Variants in INPP4B observed in about 807,000 individuals in gnomAD.
INPP4B encodes the protein inositol polyphosphate 4-phosphatase type II.
Under a neutral mutation model 122.5 loss-of-function variants are expected in INPP4B, and 55 were observed. The ratio of observed to expected loss-of-function variants is 0.45; its 90% CI spans 0.36 to 0.56. The LOEUF is 0.56. Ranked by LOEUF, INPP4B falls within the 20% of genes least tolerant of loss-of-function variation. The pLI is 0.00. For missense variants in INPP4B, 1,000 were observed against 1,097.7 expected, an observed-to-expected ratio of 0.91 and a Z score of 1.26; for synonymous variants, 403 against 388.7, an observed-to-expected ratio of 1.04 and a Z score of -0.43.
chr4:142,796,144 A>G (rs1777207875), intron 1 of INPP4B, among the ~76,000 whole-genome samples: 1 of 151,990 alleles, frequency 6.6e-6, no homozygotes, highest in Admixed American at 6.6e-5. Context: ...ATCTTCTCAT[A>G]GGTGACAAGG....
intron 2 of INPP4B, among the ~76,000 whole-genome samples, chr4:142,550,171 G>T (rs1177342113): frequency 6.6e-6 from 1 of 152,118 alleles, no homozygotes; most frequent in East Asian, 1.9e-4. Flanking sequence ...TCCAAGTGGT[G>T]GTCATAGGTC....
At chr4:142,373,270 T>C (rs1302031803) in intron 7 of INPP4B, among the ~76,000 whole-genome samples, 2 of 152,038 alleles carry the variant, frequency 1.3e-5, no homozygotes, top group African/African-American at 4.8e-5. Context: ...TAACAACATT[T>C]GACCTTTTAA....
At chr4:142,182,545 T>TAA (rs1831328126) in intron 15 of INPP4B, among the ~76,000 whole-genome samples, 2 of 7,414 alleles carry the variant, frequency 2.7e-4, no homozygotes, top group East Asian at 3.4e-3. Context: ...AGACTCTGTC[T>TAA]CAAAAAAAAA....
intron 2 of INPP4B, among the ~76,000 whole-genome samples, chr4:142,543,139 T>A (rs1483251639): frequency 2.6e-5 from 4 of 152,212 alleles, no homozygotes; most frequent in African/African-American, 7.2e-5. Flanking sequence ...TGTTTACACA[T>A]ACAAATTAAA....
intron 15 of INPP4B, among the ~76,000 whole-genome samples, chr4:142,176,116 C>A (rs966814260): frequency 5.9e-5 from 3 of 50,776 alleles, no homozygotes; most frequent in South Asian, 9.1e-4. Context: ...TGACTGCTTT[C>A]TTTTATTATT....
intron 7 of INPP4B, among the ~76,000 whole-genome samples, chr4:142,334,500 T>C (rs1232057107): frequency 2.0e-5 from 3 of 152,186 alleles, no homozygotes; most frequent in Non-Finnish European, 4.4e-5. Flanking sequence ...ATATGGTAGT[T>C]CTATTTTTAA....
intron 11 of INPP4B, among the ~76,000 whole-genome samples, chr4:142,245,491 T>C (rs1012790824): frequency 3.9e-5 from 6 of 152,310 alleles, no homozygotes; most frequent in Non-Finnish European, 8.8e-5. Context: ...CCATTGCCAG[T>C]ATTTTATTGA....
At chr4:142,310,948 T>C (rs939839514) in intron 8 of INPP4B, among the ~76,000 whole-genome samples, 5 of 152,110 alleles carry the variant, frequency 3.3e-5, no homozygotes, top group African/African-American at 1.2e-4. Context: ...CTTGACTAAG[T>C]CATCAAGAAA....
At chr4:142,738,087 G>A (rs1291630839) in intron 1 of INPP4B, among the ~76,000 whole-genome samples, 1 of 152,148 alleles carries the variant, frequency 6.6e-6, no homozygotes, top group Non-Finnish European at 1.5e-5. Flanking sequence ...AATACCATTT[G>A]ACCCAGCCAT....
chr4:142,434,578 C>T (rs879307216), intron 3 of INPP4B, among the ~76,000 whole-genome samples: 4 of 152,146 alleles, frequency 2.6e-5, no homozygotes, highest in Non-Finnish European at 5.9e-5. Context: ...ACTACTGGCT[C>T]TCAAAGTGTG....
At chr4:142,823,019 C>T (rs550278874) in intron 1 of INPP4B, among the ~76,000 whole-genome samples, 8 of 152,234 alleles carry the variant, frequency 5.3e-5, no homozygotes, top group Non-Finnish European at 1.2e-4. Flanking sequence ...TATCTGTAAT[C>T]ATAGCAAAGG....
chr4:142,641,472 A>G (rs1006007461), intron 2 of INPP4B, among the ~76,000 whole-genome samples: 2 of 139,620 alleles, frequency 1.4e-5, no homozygotes, highest in African/African-American at 5.4e-5. Context: ...TCCTGTGTCC[A>G]AGTGTTCTCA....
At chr4:142,517,363 G>C (rs1276452624) in intron 2 of INPP4B, among the ~76,000 whole-genome samples, 2 of 152,058 alleles carry the variant, frequency 1.3e-5, no homozygotes, top group Admixed American at 1.3e-4. Flanking sequence ...GAATGACCAT[G>C]CTGAAGCCTT....
intron 23 of INPP4B, among the ~76,000 whole-genome samples, chr4:142,101,045 G>T (rs1165449227): frequency 4.6e-5 from 7 of 152,052 alleles, no homozygotes; most frequent in African/African-American, 1.4e-4. Context: ...TTGTTTGAAG[G>T]CCTTTTGTGG....
intron 7 of INPP4B, among the ~76,000 whole-genome samples, chr4:142,351,359 C>T (rs1781875731): frequency 6.6e-6 from 1 of 151,980 alleles, no homozygotes; most frequent in Non-Finnish European, 1.5e-5. Flanking sequence ...CTCTTTTACC[C>T]TTTCATTGAT....
In INPP4B at chr4:142,134,081, CTGTT is replaced by C. The variant is rs935382793; in HGVS notation, c.1721-9325_1721-9322del. Among the ~76,000 whole-genome samples the C allele has an allele frequency of 1.3e-3, 201 of 152,210 alleles. 2 individuals are homozygous for C. Among genetic ancestry groups the C allele is most frequent in the African/African-American group, 4.8e-3 (199 of 41,524 alleles). ...CAGGAGAGCCAGTGTTTTATCTTTT[CTGTT>C]TATTTTTGTAGTCCTCAGGGTCTAA... On this transcript the variant is annotated intron_variant, in intron 18 of 25. Transcript: ENST00000262992.
In INPP4B at chr4:142,744,998, G is replaced by C. The variant is rs140875782; in HGVS notation, c.-253-19097C>G. 2.5e-4 allele frequency among the ~76,000 whole-genome samples: 34 copies of C among 137,776 alleles called. No homozygotes were observed. In the East Asian group the frequency reaches 6.5e-3, roughly 26 times the overall value. The allele number at this position is 137,776 out of a possible 152,430, so 90.4% of individuals were successfully genotyped here. A position where few individuals can be genotyped will look rare whatever the true frequency, so the allele number is the denominator to read the frequency against. On this transcript the variant is annotated intron_variant, in intron 1 of 25. Coordinates refer to ENST00000262992, the MANE Select transcript of INPP4B (RefSeq NM_001101669.3). ...AGGGACAAGCTAACGGAATTTTACT[G>C]TTGAATGTTTATTATATTTGGGAAA...
At chr4:142,100,099 A>G (rs1032426937) in intron 23 of INPP4B, among the ~76,000 whole-genome samples, 1 of 152,140 alleles carries the variant, frequency 6.6e-6, no homozygotes, top group African/African-American at 2.4e-5. Context: ...ACAGGGGTCG[A>G]TGATGCTGAT....
intron 2 of INPP4B, among the ~76,000 whole-genome samples, chr4:142,660,473 T>C (rs1754972392): frequency 6.6e-6 from 1 of 152,038 alleles, no homozygotes; most frequent in African/African-American, 2.4e-5. Flanking sequence ...TCCTTGGTTC[T>C]CTCTTCACTG....
Sources: allele counts gnomAD v4.1 joint callset (sites outside exome capture counted in the v4.1 genomes callset), GRCh38; gene constraint gnomAD v4.1.1; transcripts MANE v1.5; gene names NCBI Gene and HGNC (gene_info 2026-07-23, HGNC 2026-07-21).